The following EPSTI1 variants were observed in gnomAD, a reference collection of about 807,000 sequenced individuals.
EPSTI1 encodes epithelial-stromal interaction protein 1.
A neutral mutation model predicts 49.9 loss-of-function variants in EPSTI1; 66 were observed. That is an observed-to-expected ratio of 1.32 (90% CI 1.08 to 1.62). EPSTI1 has a LOEUF of 1.62. Among genes scored for constraint, EPSTI1 ranks in the 40% most tolerant of loss-of-function variants. EPSTI1 has a pLI of 0.00. For missense variants in EPSTI1, 394 were observed against 365.5 expected (o/e 1.08, Z -0.64); for synonymous variants, 137 against 130.7 (o/e 1.05, Z -0.33).
rs191937772 is a variant in EPSTI1, at chr13:42,892,274, T to A, written c.915+2735A>T. ...AAAGCCATTGGAGGGGTATGCAGAG[T>A]CAGAATCTGACTTCTGTCAGTCTTG... On this transcript the variant is annotated intron_variant, in intron 10 of 10. Coordinates refer to ENST00000313624, the MANE Select transcript of EPSTI1 (RefSeq NM_033255.5). Among the ~76,000 whole-genome samples the A allele has an allele frequency of 1.3e-3, 203 of 152,224 alleles. 1 individual carries two copies. The highest frequency in any genetic ancestry group is 4.8e-3 in the African/African-American group (198 of 41,532).
At chr13:42,923,765 A>C (rs1476804314) in intron 7 of EPSTI1, among the ~76,000 whole-genome samples, 1 of 152,208 alleles carries the variant, frequency 6.6e-6, no homozygotes, top group Admixed American at 6.5e-5. Flanking sequence ...TCCTAAGCCA[A>C]AAGGAATTTT....
chr13:42,915,366 T>A lies in EPSTI1; in HGVS notation c.741+2175A>T, dbSNP rs904285114. On this transcript the variant is annotated intron_variant, in intron 8 of 10. Transcript: ENST00000313624. Reference sequence around the variant, plus strand: ...GGCCAACATGGTGAAACCCCATCTCTACTAAAAATACAAAAATTAGCTGGG... The same window carrying A: ...GGCCAACATGGTGAAACCCCATCTCAACTAAAAATACAAAAATTAGCTGGG... Among the ~76,000 whole-genome samples, 7 of 152,252 alleles carry A rather than the reference T, an allele frequency of 4.6e-5. No individual in the cohort carries two copies. The Middle Eastern group carries it at 0.014, about 296-fold the overall frequency.
At chr13:42,939,255 C>A (rs2038672345) in intron 6 of EPSTI1, among the ~76,000 whole-genome samples, 1 of 152,158 alleles carries the variant, frequency 6.6e-6, no homozygotes. Context: ...AGCTATTTTG[C>A]CTTCGTATCA....
In EPSTI1 at chr13:42,888,088, T is replaced by C; in HGVS notation, c.*406A>G. The C allele has an allele frequency of 1.4e-6, 1 of 713,078 alleles. No individual in the cohort carries two copies. The highest frequency in any genetic ancestry group is 2.8e-5 in the East Asian group (1 of 35,234). 44.2% of individuals were successfully genotyped at this position (713,078 alleles called of 1,614,324 possible). On this transcript the variant is annotated 3_prime_UTR_variant, in exon 11 of 11. Transcript: ENST00000313624. The stretch of plus-strand genomic sequence containing the variant: ...CATAAAGAAAGTAGGGATTAAAATC[T>C]AAAAAGACCCCCAAAGCTTTCAAAA...
At chr13:42,954,471 A>C (rs2039199248) in intron 5 of EPSTI1, among the ~76,000 whole-genome samples, 1 of 152,218 alleles carries the variant, frequency 6.6e-6, no homozygotes, top group Admixed American at 6.5e-5. Context: ...TCAGTAAGAC[A>C]ACCCAACTCC....
At chr13:42,943,345 C>T (rs1486803452) in intron 6 of EPSTI1, among the ~76,000 whole-genome samples, 1 of 152,188 alleles carries the variant, frequency 6.6e-6, no homozygotes, top group African/African-American at 2.4e-5. Flanking sequence ...TGCTCACTTT[C>T]CTTCACTTCT....
At chr13:42,959,783 G>A (rs545358050) in intron 5 of EPSTI1, among the ~76,000 whole-genome samples, 69 of 152,190 alleles carry the variant, frequency 4.5e-4, no homozygotes, top group Non-Finnish European at 8.8e-4. Flanking sequence ...ATACCAAGAG[G>A]TTGGGGAATC....
chr13:42,942,608 C>A (rs547009163), intron 6 of EPSTI1, among the ~76,000 whole-genome samples: 14 of 149,970 alleles, frequency 9.3e-5, no homozygotes, highest in African/African-American at 3.2e-4. Flanking sequence ...CTTCCTTGTG[C>A]CTCTTCTAGT....
chr13:42,992,176 C>CCG lies in EPSTI1; in HGVS notation c.-13_-12dup, dbSNP rs1191147623. 7.2e-6 allele frequency: 11 copies of CCG among 1,536,688 alleles called. No individual in the cohort carries two copies. Among genetic ancestry groups the CCG allele is most frequent in the Non-Finnish European group, 9.6e-6 (11 of 1,143,796 alleles). ...ATTGCGGGTGTTCATGGTTCACAGC[C>CCG]CGCGGGTCCCGGGCCGCCGTCGCTG... is the stretch of plus-strand genomic sequence containing the variant. On this transcript the variant is annotated 5_prime_UTR_variant, in exon 1 of 11. Coordinates refer to ENST00000313624, the MANE Select transcript of EPSTI1 (RefSeq NM_033255.5).
intron 7 of EPSTI1, chr13:42,919,431 C>T: frequency 9.1e-7 from 1 of 1,094,386 alleles, no homozygotes; most frequent in Non-Finnish European, 1.4e-6. Context: ...ATTTGTCTAA[C>T]ATTGAAATAT....
At chr13:42,971,212 A>C (rs2039759434) in intron 1 of EPSTI1, among the ~76,000 whole-genome samples, 1 of 152,212 alleles carries the variant, frequency 6.6e-6, no homozygotes, top group African/African-American at 2.4e-5. Flanking sequence ...GGCTCGGAGA[A>C]GCAAGGAGTC....
intron 1 of EPSTI1, among the ~76,000 whole-genome samples, chr13:42,983,514 A>C (rs1348528425): frequency 2.9e-5 from 4 of 140,092 alleles, no homozygotes; most frequent in African/African-American, 5.4e-5. Context: ...CAGTGAGCTG[A>C]GACCACGCCA....
chr13:42,964,022 T>C (rs1248906955), intron 4 of EPSTI1, 44 bp downstream of exon 4: 1 of 1,517,934 alleles, frequency 6.6e-7, no homozygotes, highest in Admixed American at 1.7e-5. Context: ...GAGCTGGTAC[T>C]CATATTCCTT....
intron 8 of EPSTI1, among the ~76,000 whole-genome samples, chr13:42,905,576 G>C (rs552612060): frequency 6.6e-6 from 1 of 152,236 alleles, no homozygotes; most frequent in African/African-American, 2.4e-5. Flanking sequence ...CCAAGCTCGG[G>C]ACATGAAAAG....
At chr13:42,915,259 C>T (rs909310035) in intron 8 of EPSTI1, among the ~76,000 whole-genome samples, 1 of 152,190 alleles carries the variant, frequency 6.6e-6, no homozygotes, top group African/African-American at 2.4e-5. Flanking sequence ...TGGCCAGGTG[C>T]GGTGGCTCAT....
intron 6 of EPSTI1, among the ~76,000 whole-genome samples, chr13:42,938,976 A>G (rs1394826878): frequency 6.6e-6 from 1 of 150,424 alleles, no homozygotes; most frequent in African/African-American, 2.5e-5. Flanking sequence ...TCTTAACTAG[A>G]TCTTCTGGAT....
chr13:42,953,403 A>G (rs900250875), intron 6 of EPSTI1, among the ~76,000 whole-genome samples: 6 of 152,240 alleles, frequency 3.9e-5, no homozygotes, highest in Non-Finnish European at 7.3e-5. Context: ...ATAACAAAGT[A>G]GATTACGTTA....
chr13:42,928,618 C>T, intron 6 of EPSTI1, among the ~76,000 whole-genome samples: 2 of 152,176 alleles, frequency 1.3e-5, no homozygotes, highest in East Asian at 3.8e-4. Context: ...TTTAAGGGTC[C>T]TTCCTGCTCA....
At position 42,954,039 on chromosome 13, in the gene EPSTI1, A is replaced by G. The variant is rs2039185303; in HGVS notation, c.490-18T>C. On this transcript the variant is annotated intron_variant, in intron 5 of 10. Transcript: ENST00000313624. ...TTATTGCTCTGAAATTGCAAATATC[A>G]AAACATAACTTATTAAAGATGCTTT... is the stretch of plus-strand genomic sequence containing the variant. 2 of 1,598,272 alleles carry G rather than the reference A, an allele frequency of 1.3e-6. No homozygotes were observed. The highest frequency in any genetic ancestry group is 1.7e-5 in the Admixed American group (1 of 59,150).
Sources: gnomAD v4.1 joint callset for allele counts (sites outside exome capture counted in the v4.1 genomes callset) on GRCh38, gnomAD v4.1.1 for gene constraint, MANE v1.5 for transcripts, NCBI Gene and HGNC (gene_info 2026-07-23, HGNC 2026-07-21) for gene names.